The following TRIM44 variants were observed in gnomAD, a reference collection of about 807,000 sequenced individuals.
The protein encoded by TRIM44 is tripartite motif-containing protein 44.
Under a neutral mutation model 37.4 loss-of-function variants are expected in TRIM44, and 13 were observed. The observed-to-expected ratio is 0.35, with a 90% CI of 0.23 to 0.55. The LOEUF is 0.55. Ranked by LOEUF, TRIM44 falls within the 20% of genes least tolerant of loss-of-function variation. The pLI, the probability that TRIM44 is intolerant of heterozygous loss-of-function variation, is 0.89. For synonymous variants in TRIM44, 175 were observed against 157.2 expected, an observed-to-expected ratio of 1.11 and a Z score of -0.85; for missense variants, 426 against 437.2, an observed-to-expected ratio of 0.97 and a Z score of 0.23.
intron 2 of TRIM44, among the ~76,000 whole-genome samples, chr11:35,687,591 G>A (rs946760696): frequency 6.6e-5 from 10 of 152,252 alleles, no homozygotes; most frequent in South Asian, 2.1e-4. Context: ...AAGAGGGAGC[G>A]GATGTGTACA....
intron 2 of TRIM44, among the ~76,000 whole-genome samples, chr11:35,696,052 T>A (rs866434693): frequency 6.6e-6 from 1 of 152,072 alleles, no homozygotes; most frequent in Non-Finnish European, 1.5e-5. Context: ...CCATCAAATA[T>A]GTTAAAGGTT....
At chr11:35,700,087 T>C (rs1269513026) in intron 2 of TRIM44, among the ~76,000 whole-genome samples, 1 of 152,174 alleles carries the variant, frequency 6.6e-6, no homozygotes, top group Non-Finnish European at 1.5e-5. Flanking sequence ...TTCACAGAAC[T>C]GGAAAAAACT....
chr11:35,725,702 A>G (rs982392491), intron 2 of TRIM44, among the ~76,000 whole-genome samples: 3 of 152,194 alleles, frequency 2.0e-5, no homozygotes, highest in African/African-American at 7.2e-5. Context: ...CCGAAAGGAA[A>G]AAAGGATAAG....
Position 35,817,703 on chromosome 11 carries a change from A to G in TRIM44, c.*11318A>G, listed in dbSNP as rs1853595515. 1 of 152,174 alleles carries G rather than the reference A, an allele frequency of 6.6e-6. No homozygotes were observed. The highest frequency in any genetic ancestry group is 2.1e-4 in the South Asian group (1 of 4,822). The allele number at this position is 152,174 out of a possible 1,614,324, so 9.4% of individuals were successfully genotyped here. A position where few individuals can be genotyped will look rare whatever the true frequency, so the allele number is the denominator to read the frequency against. On this transcript the variant is annotated 3_prime_UTR_variant, in exon 5 of 5. Transcript: ENST00000299413. ...CACCCAAATCTCATGTTGAAATGTA[A>G]TCCCCAATGCTGGAGGTGGGACCTG...
At position 35,780,530 on chromosome 11, in the gene TRIM44, G is replaced by A. The variant is rs539486462; in HGVS notation, c.1008-25828G>A. Among the ~76,000 whole-genome samples the A allele has an allele frequency of 2.6e-5, 4 of 152,266 alleles. No individual in the cohort carries two copies. The East Asian group carries it at 7.7e-4, about 29-fold the overall frequency. ...TAGAGCCTTAAGGACAGGCAGAGGG[G>A]AACTAACAGATATTGTATGCTATCA... On this transcript the variant is annotated intron_variant, in intron 4 of 4. Transcript: ENST00000299413.
At chr11:35,703,625 C>G (rs1202565836) in intron 2 of TRIM44, among the ~76,000 whole-genome samples, 1 of 152,186 alleles carries the variant, frequency 6.6e-6, no homozygotes, top group Non-Finnish European at 1.5e-5. Context: ...GTTCTGCAGC[C>G]ACCGCTGCTG....
At chr11:35,755,334 C>T (rs1201602795) in intron 4 of TRIM44, among the ~76,000 whole-genome samples, 1 of 150,024 alleles carries the variant, frequency 6.7e-6, no homozygotes, top group African/African-American at 2.4e-5. Context: ...TATCTTTTGC[C>T]CACTTGTTAA....
intron 4 of TRIM44, among the ~76,000 whole-genome samples, chr11:35,751,695 C>CATCA (rs1436694647): frequency 1.3e-5 from 2 of 152,122 alleles, no homozygotes; most frequent in African/African-American, 2.4e-5. Flanking sequence ...AAAGGTAAGT[C>CATCA]TTTTATAATG....
At chr11:35,766,291 A>G (rs1219596519) in intron 4 of TRIM44, among the ~76,000 whole-genome samples, 1 of 152,190 alleles carries the variant, frequency 6.6e-6, no homozygotes, top group Non-Finnish European at 1.5e-5. Context: ...TTAGGTGGGC[A>G]TACCTAGTCC....
chr11:35,696,136 ATTT>A (rs1197445648), intron 2 of TRIM44, among the ~76,000 whole-genome samples: 5 of 138,290 alleles, frequency 3.6e-5, no homozygotes, highest in Non-Finnish European at 4.7e-5. Context: ...GATGAGTCAA[ATTT>A]TTTTTTTTTT....
rs1425570296 is a variant in TRIM44 at position 35,809,734 on chromosome 11, A to C, written c.*3349A>C. ...TTTTAGTAAACTTAGCCGCCAGTGT[A>C]CTCTGTGAGGATGTGGCAATTCAAA... On this transcript the variant is annotated 3_prime_UTR_variant, in exon 5 of 5. Coordinates refer to ENST00000299413, the MANE Select transcript of TRIM44 (RefSeq NM_017583.6). 6.6e-6 allele frequency: 1 copy of C among 152,072 alleles called. No homozygotes were observed. Among genetic ancestry groups the C allele is most frequent in the African/African-American group, 2.4e-5 (1 of 41,390 alleles). 9.4% of individuals were successfully genotyped at this position (152,072 alleles called of 1,614,324 possible). A position where few individuals can be genotyped will look rare whatever the true frequency, so the allele number is the denominator to read the frequency against.
chr11:35,663,364 G>T lies in TRIM44; in HGVS notation c.253G>T (p.Val85Leu), dbSNP rs1851295384. 2 of 1,613,404 alleles carry T rather than the reference G, an allele frequency of 1.2e-6. No homozygotes were observed. The highest frequency in any genetic ancestry group is 4.5e-5 in the East Asian group (2 of 44,840). Residue 85 changes from valine to leucine, a missense_variant, in exon 1 of 5, where the codon GTG becomes TTG. Val to Leu is a conservative substitution (Grantham distance 32). Around this residue, in one of 2 missense-constraint regions of TRIM44, gnomAD observed 331 missense variants for 303.0 expected, o/e 1.09. Coordinates refer to ENST00000299413, the MANE Select transcript of TRIM44 (RefSeq NM_017583.6). ...GGGGAAGGAAGAAGCGGAGGTCAAGGTGGAGCAGGAGAGGGAGATAGAAAG... is the reference window on the plus strand; with the variant it reads ...GGGGAAGGAAGAAGCGGAGGTCAAGTTGGAGCAGGAGAGGGAGATAGAAAG... ...GAGKEEAEVKVEQEREIESEA... is the reference protein window; with the variant it reads ...GAGKEEAEVKLEQEREIESEA...
At chr11:35,667,733 A>G (rs562145463) in intron 1 of TRIM44, among the ~76,000 whole-genome samples, 1 of 152,282 alleles carries the variant, frequency 6.6e-6, no homozygotes, top group South Asian at 2.1e-4. Context: ...GTGTGTGCAT[A>G]TATATGGTCT....
rs1409689784 is a variant in TRIM44 at position 35,748,086 on chromosome 11, GGAA to G, written c.1007+12642_1007+12644del. 3.9e-5 allele frequency among the ~76,000 whole-genome samples: 6 copies of G among 152,232 alleles called. No homozygotes were observed. In the East Asian group the frequency reaches 7.7e-4, roughly 20 times the overall value. On this transcript the variant is annotated intron_variant, in intron 4 of 4. Transcript: ENST00000299413. ...TCCCTAGCCAACCAAGTCTTTTTAA[GGAA>G]TCGCCTGAGGAAAGAAGATTGTCAC... is the stretch of plus-strand genomic sequence containing the variant.
intron 1 of TRIM44, among the ~76,000 whole-genome samples, chr11:35,671,420 T>G (rs1851392097): frequency 6.6e-6 from 1 of 152,252 alleles, no homozygotes; most frequent in Non-Finnish European, 1.5e-5. Context: ...TAAGAGACTT[T>G]AACAATGCTT....
At chr11:35,796,895 C>T (rs1036536386) in intron 4 of TRIM44, among the ~76,000 whole-genome samples, 1 of 152,132 alleles carries the variant, frequency 6.6e-6, no homozygotes, top group Non-Finnish European at 1.5e-5. Context: ...AGGTCATCTC[C>T]CTGCAGACAC....
rs370749474 is a variant in TRIM44 at position 35,798,789 on chromosome 11, A to C, written c.1008-7569A>C. ...CATTCATGATTGATAACTGAGTGGA[A>C]AAAGCAGACTGTGAAGGAGACTGTC... On this transcript the variant is annotated intron_variant, in intron 4 of 4. Coordinates refer to ENST00000299413, the MANE Select transcript of TRIM44 (RefSeq NM_017583.6). 2.6e-4 allele frequency among the ~76,000 whole-genome samples: 40 copies of C among 152,350 alleles called. No individual in the cohort carries two copies. In the South Asian group the frequency reaches 7.7e-3, roughly 29 times the overall value.
At chr11:35,739,730 C>T (rs939821281) in intron 4 of TRIM44, among the ~76,000 whole-genome samples, 5 of 152,106 alleles carry the variant, frequency 3.3e-5, no homozygotes, top group Admixed American at 1.3e-4. Flanking sequence ...GTATCTTACT[C>T]CTCAGATCCA....
At chr11:35,740,560 G>C (rs1056982505) in intron 4 of TRIM44, among the ~76,000 whole-genome samples, 2 of 152,138 alleles carry the variant, frequency 1.3e-5, no homozygotes, top group Admixed American at 6.6e-5. Flanking sequence ...AAAAGCTCCT[G>C]CTGAGATCAC....
Sources: allele counts gnomAD v4.1 joint callset (sites outside exome capture counted in the v4.1 genomes callset), GRCh38; gene constraint gnomAD v4.1.1; regional missense constraint gnomAD v4.1.1; transcripts MANE v1.5; gene names NCBI Gene and HGNC (gene_info 2026-07-23, HGNC 2026-07-21).